The following ARID1B variants were observed in gnomAD, a reference collection of about 807,000 sequenced individuals.
ARID1B encodes the protein AT-rich interactive domain-containing protein 1B.
In ARID1B, 30 loss-of-function variants were observed where a neutral mutation model predicts 212.3. The observed-to-expected ratio is 0.14, with a 90% confidence interval of 0.11 to 0.19. The LOEUF (loss-of-function observed/expected upper bound fraction) is 0.19, where lower values mean the gene tolerates loss of function less well. Among genes scored for constraint, ARID1B ranks in the 10% least tolerant of loss-of-function variants. ARID1B has a pLI of 1.00. For synonymous variants in ARID1B, 1,402 were observed against 1,301.7 expected (o/e 1.08, Z -1.66); for missense variants, 2,891 against 3,204.0 (o/e 0.90, Z 2.36).
chr6:156,848,130 C>T lies in ARID1B; in HGVS notation c.1986+18709C>T, dbSNP rs559319685. Among the ~76,000 whole-genome samples, 15 of 152,170 alleles carry T rather than the reference C, an allele frequency of 9.9e-5. No homozygotes were observed. In the South Asian group the frequency reaches 2.5e-3, roughly 25 times the overall value. ...TAATTTTTAACAATAAAGAATGAAA[C>T]GGGAAGAAATTTCCGATTAATACTT... On this transcript the variant is annotated intron_variant, in intron 2 of 19. Transcript: ENST00000636930.
At position 156,777,752 on chromosome 6, in the gene ARID1B, A is replaced by ACGGCGGGCGCCCCCCGGGCCG. The variant is rs1375314525; in HGVS notation, c.77_97dup (p.Arg26_Arg32dup). 4.4e-6 allele frequency: 2 copies of ACGGCGGGCGCCCCCCGGGCCG among 457,254 alleles called. No individual in the cohort carries two copies. Among genetic ancestry groups the ACGGCGGGCGCCCCCCGGGCCG allele is most frequent in the African/African-American group, 2.3e-5 (1 of 43,722 alleles). 28.3% of individuals were successfully genotyped at this position (457,254 alleles called of 1,614,324 possible). On this transcript the variant is annotated inframe_insertion, in exon 1 of 20. Coordinates refer to ENST00000636930, the MANE Select transcript of ARID1B (RefSeq NM_001374828.1). ...CGCGGGCGCGGGCAGGCAGCGGCGA[A>ACGGCGGGCGCCCCCCGGGCCG]CGGCGGGCGCCCCCCGGGCCGCGGC...
intron 4 of ARID1B, among the ~76,000 whole-genome samples, chr6:157,031,170 A>G (rs984705991): frequency 7.2e-5 from 11 of 152,218 alleles, no homozygotes; most frequent in Admixed American, 4.6e-4. Flanking sequence ...GATAAAATTA[A>G]AACTTTGCAA....
intron 7 of ARID1B, among the ~76,000 whole-genome samples, chr6:157,146,103 C>T (rs532257497): frequency 4.6e-5 from 7 of 152,222 alleles, no homozygotes; most frequent in South Asian, 4.2e-4. Flanking sequence ...CCACACACAG[C>T]GCCCCAGTGG....
intron 4 of ARID1B, among the ~76,000 whole-genome samples, chr6:156,980,628 G>A (rs1057214686): frequency 1.3e-5 from 2 of 152,202 alleles, no homozygotes; most frequent in African/African-American, 4.8e-5. Flanking sequence ...AGGGCTACTC[G>A]TAGACAGTGC....
chr6:156,820,769 A>G (rs1222075593), intron 1 of ARID1B, among the ~76,000 whole-genome samples: 2 of 152,242 alleles, frequency 1.3e-5, no homozygotes, highest in African/African-American at 2.4e-5. Context: ...TTTATTTTAT[A>G]TATTAGAAAA....
chr6:156,902,451 AAAAT>A (rs1256399577), intron 3 of ARID1B, among the ~76,000 whole-genome samples: 1 of 152,212 alleles, frequency 6.6e-6, no homozygotes, highest in African/African-American at 2.4e-5. Context: ...GATATTAAGC[AAAAT>A]AAATAAATTT....
At chr6:156,944,742 T>C (rs1247961149) in intron 4 of ARID1B, among the ~76,000 whole-genome samples, 1 of 152,186 alleles carries the variant, frequency 6.6e-6, no homozygotes, top group Non-Finnish European at 1.5e-5. Flanking sequence ...ACATTTGTTA[T>C]ACTAAAAAGT....
intron 2 of ARID1B, among the ~76,000 whole-genome samples, chr6:156,832,962 A>T (rs1472910707): frequency 6.6e-6 from 1 of 152,160 alleles, no homozygotes; most frequent in East Asian, 1.9e-4. Context: ...GTTCTCCCAC[A>T]TCATCAGGCA....
At chr6:157,019,223 C>G (rs891307143) in intron 4 of ARID1B, among the ~76,000 whole-genome samples, 2 of 152,184 alleles carry the variant, frequency 1.3e-5, no homozygotes, top group Admixed American at 6.5e-5. Context: ...TGGAAAGAGC[C>G]TGGTGTCAAG....
chr6:157,065,612 CA>C (rs1783628740), intron 4 of ARID1B, among the ~76,000 whole-genome samples: 1 of 152,312 alleles, frequency 6.6e-6, no homozygotes, highest in Non-Finnish European at 1.5e-5. Flanking sequence ...GTAGTGGGAT[CA>C]GGGGTCAAAC....
At chr6:157,072,949 T>C (rs1366211851) in intron 4 of ARID1B, among the ~76,000 whole-genome samples, 2 of 152,194 alleles carry the variant, frequency 1.3e-5, no homozygotes, top group Admixed American at 6.5e-5. Flanking sequence ...GTCTTTGGTG[T>C]GTAGTGTTTA....
At position 156,777,515 on chromosome 6, in the gene ARID1B, G is replaced by C. The variant is rs1012820911; in HGVS notation, c.-166G>C. Reference sequence around the variant, plus strand: ...AGCACACAGCAGGAGCAGGCCCAGAGCGTAAGGCGTGCCCGGCCCGGCGCT... The same window carrying C: ...AGCACACAGCAGGAGCAGGCCCAGACCGTAAGGCGTGCCCGGCCCGGCGCT... On this transcript the variant is annotated 5_prime_UTR_variant, in exon 1 of 20. Coordinates refer to ENST00000636930, the MANE Select transcript of ARID1B (RefSeq NM_001374828.1). The C allele has an allele frequency of 6.6e-6, 1 of 151,268 alleles. No individual in the cohort carries two copies. The highest frequency in any genetic ancestry group is 6.6e-5 in the Admixed American group (1 of 15,204). 9.4% of individuals were successfully genotyped at this position (151,268 alleles called of 1,614,324 possible). A position where few individuals can be genotyped will look rare whatever the true frequency, so the allele number is the denominator to read the frequency against.
intron 1 of ARID1B, among the ~76,000 whole-genome samples, chr6:156,788,993 A>G (rs1004998815): frequency 1.3e-5 from 2 of 152,224 alleles, no homozygotes; most frequent in African/African-American, 4.8e-5. Flanking sequence ...GAATGGCTAC[A>G]GTTTTCTTCT....
At chr6:157,192,653 T>C (rs559138943) in intron 15 of ARID1B, among the ~76,000 whole-genome samples, 2 of 152,366 alleles carry the variant, frequency 1.3e-5, no homozygotes, top group East Asian at 3.9e-4. Flanking sequence ...CATCCTACTT[T>C]GGTGACTGTC....
chr6:156,812,964 GTGTGTGTGTGTGTA>G (rs1272624339), intron 1 of ARID1B, among the ~76,000 whole-genome samples: 8 of 143,024 alleles, frequency 5.6e-5, no homozygotes, highest in African/African-American at 1.3e-4. Context: ...GTGTGTGTGT[GTGTGTGTGTGTGTA>G]TGTATATACA....
chr6:156,872,401 G>C (rs1786204800), intron 2 of ARID1B, among the ~76,000 whole-genome samples: 1 of 152,062 alleles, frequency 6.6e-6, no homozygotes, highest in African/African-American at 2.4e-5. Flanking sequence ...GGCTCACTGC[G>C]AGCTCCGTCT....
At chr6:157,025,374 A>T (rs1007499092) in intron 4 of ARID1B, among the ~76,000 whole-genome samples, 9 of 152,252 alleles carry the variant, frequency 5.9e-5, no homozygotes, top group South Asian at 4.1e-4. Context: ...TGAGAAATGC[A>T]TAACAATGAT....
intron 8 of ARID1B, among the ~76,000 whole-genome samples, chr6:157,163,473 A>AT (rs1791092209): frequency 6.6e-6 from 1 of 152,180 alleles, no homozygotes; most frequent in Non-Finnish European, 1.5e-5. Context: ...CTTGTTCAAA[A>AT]TTACCAAGAC....
At chr6:157,173,167 C>G (rs1791841407) in intron 9 of ARID1B, 1 of 152,256 alleles carries the variant, frequency 6.6e-6, no homozygotes, top group Non-Finnish European at 1.5e-5. Context: ...AAAAAGAAAT[C>G]TAAACCCATA....
Sources: allele counts gnomAD v4.1 joint callset (sites outside exome capture counted in the v4.1 genomes callset), GRCh38; gene constraint gnomAD v4.1.1; transcripts MANE v1.5; gene names NCBI Gene and HGNC (gene_info 2026-07-23, HGNC 2026-07-21).